Variants in TTC28 observed in about 807,000 individuals in gnomAD.
TTC28 encodes tetratricopeptide repeat domain 28, also known as tetratricopeptide repeat protein 28.
Under a neutral mutation model 198.0 loss-of-function variants are expected in TTC28, and 61 were observed. The observed-to-expected ratio is 0.31, with a 90% CI of 0.25 to 0.38. The LOEUF is 0.38. Ranked by LOEUF, TTC28 falls within the 10% of genes least tolerant of loss-of-function variation. The probability of loss-of-function intolerance (pLI) is 1.00; values close to 1 mark genes in which losing one functional copy is unlikely to be tolerated. For synonymous variants in TTC28, 1,171 were observed against 1,297.8 expected (o/e 0.90, Z 2.10); for missense variants, 2,678 against 3,164.0 (o/e 0.85, Z 3.69).
chr22:28,041,664 G>T (rs112469567), intron 12 of TTC28, among the ~76,000 whole-genome samples: 2 of 152,180 alleles, frequency 1.3e-5, no homozygotes, highest in Non-Finnish European at 2.9e-5. Context: ...ATTCAGGACA[G>T]AGGCATGGGC....
intron 5 of TTC28, 23 bp from the exon 6 acceptor site, chr22:28,163,622 G>T: frequency 6.7e-7 from 1 of 1,493,160 alleles, no homozygotes; most frequent in Non-Finnish European, 8.9e-7. Context: ...GGATAAAGTG[G>T]AGAAATGAAA....
At position 28,498,179 on chromosome 22, in the gene TTC28, G is replaced by A. The variant is rs377329090; in HGVS notation, c.381+131373C>T. Among the ~76,000 whole-genome samples the A allele has an allele frequency of 1.7e-4, 26 of 151,310 alleles. 1 individual carries two copies. The South Asian group carries it at 4.8e-3, about 28-fold the overall frequency. On this transcript the variant is annotated intron_variant, in intron 2 of 22. Coordinates refer to ENST00000397906, the MANE Select transcript of TTC28 (RefSeq NM_001145418.2). ...GCAAAAAAGGTGGGAAGTGGTGGTG[G>A]TAGCAAGAAATTGGTGGTAATTCTC...
intron 6 of TTC28, among the ~76,000 whole-genome samples, chr22:28,129,627 G>C (rs1023077249): frequency 6.6e-6 from 1 of 152,184 alleles, no homozygotes; most frequent in Non-Finnish European, 1.5e-5. Context: ...TGAATACTTA[G>C]GTAGAGTGCC....
chr22:28,279,503 T>G (rs1417610139), intron 5 of TTC28, among the ~76,000 whole-genome samples: 1 of 152,160 alleles, frequency 6.6e-6, no homozygotes, highest in African/African-American at 2.4e-5. Context: ...CCTTTGTAGC[T>G]GGGATTACAG....
intron 13 of TTC28, among the ~76,000 whole-genome samples, chr22:28,027,573 C>T (rs979975895): frequency 5.3e-5 from 8 of 152,344 alleles, no homozygotes; most frequent in Non-Finnish European, 8.8e-5. Flanking sequence ...GGAGAGCCCC[C>T]GGAGAGGGAA....
rs372978220 is a variant in TTC28 at position 28,163,350 on chromosome 22, G to A, written c.1183C>T (p.Arg395Trp). 10 of 1,552,026 alleles carry A rather than the reference G, an allele frequency of 6.4e-6. No individual in the cohort carries two copies. The highest frequency in any genetic ancestry group is 7.0e-6 in the Non-Finnish European group (8 of 1,147,082). ...GCACTGCCCAGGTTGCTATAAGCCC[G>A]GGCCTCTTCTCGCTTGTTCCCCAGG... ...KDLGNKREEA[R>W]AYSNLGSAYH... Residue 395 changes from arginine to tryptophan, a missense_variant, in exon 6 of 23, where the codon CGG becomes TGG. By Grantham distance (101) the Arg-to-Trp change is moderately radical. This residue lies in a region of TTC28 where 775 missense variants were observed against 845.9 expected (regional missense o/e 0.92). Transcript: ENST00000397906.
chr22:28,511,221 C>T (rs929901297), intron 2 of TTC28, among the ~76,000 whole-genome samples: 4 of 152,070 alleles, frequency 2.6e-5, no homozygotes, highest in Admixed American at 1.3e-4. Context: ...ACAAAAAGAA[C>T]AAAGCTGGAA....
Position 28,005,088 on chromosome 22 carries a change from G to T in TTC28, c.4219-3535C>A, listed in dbSNP as rs1937881625. Among the ~76,000 whole-genome samples, 1 of 152,216 alleles carries T rather than the reference G, an allele frequency of 6.6e-6. No homozygotes were observed. The highest frequency in any genetic ancestry group is 1.5e-5 in the Non-Finnish European group (1 of 68,036). On this transcript the variant is annotated intron_variant, in intron 14 of 22. Coordinates refer to ENST00000397906, the MANE Select transcript of TTC28 (RefSeq NM_001145418.2). This position sits in a 1 kb window ranked among gnomAD's most constrained non-coding sequence, Gnocchi z 4.9. ...GTTTCTAGTAATGGGATTTCTGAAA[G>T]CAGAAGATGACAGGGCCAGGTGCAC...
chr22:28,094,779 T>A (rs1941922870), intron 11 of TTC28, among the ~76,000 whole-genome samples: 1 of 152,154 alleles, frequency 6.6e-6, no homozygotes, highest in African/African-American at 2.4e-5. Context: ...TGGTCATTAA[T>A]GAATTAAAGG....
At chr22:28,344,259 C>T (rs1360469597) in intron 2 of TTC28, among the ~76,000 whole-genome samples, 1 of 151,788 alleles carries the variant, frequency 6.6e-6, no homozygotes, top group Non-Finnish European at 1.5e-5. Context: ...TTCTCTGAAG[C>T]AACATTACCA....
intron 2 of TTC28, among the ~76,000 whole-genome samples, chr22:28,614,375 T>A (rs2050867799): frequency 6.6e-6 from 1 of 152,216 alleles, no homozygotes; most frequent in East Asian, 1.9e-4. Context: ...CTGCCCAAAG[T>A]AATTTATAGA....
chr22:28,487,902 C>T (rs900596091), intron 2 of TTC28, among the ~76,000 whole-genome samples: 4 of 152,162 alleles, frequency 2.6e-5, no homozygotes, highest in African/African-American at 9.6e-5. Context: ...ACCATGTAAC[C>T]GAGTATCTTA....
intron 2 of TTC28, among the ~76,000 whole-genome samples, chr22:28,527,945 C>T (rs2013784): frequency 0.85 from 129,809 of 152,210 alleles, 55,587 homozygotes; most frequent in Middle Eastern, 0.94. Flanking sequence ...AGGCATCATA[C>T]AGCAAGACAG....
At chr22:28,253,130 A>G (rs2147278395) in intron 5 of TTC28, among the ~76,000 whole-genome samples, 1 of 152,352 alleles carries the variant, frequency 6.6e-6, no homozygotes, top group Admixed American at 6.5e-5. Context: ...CACTTCTGGG[A>G]CATTTTCTAA....
chr22:28,281,895 T>C (rs1005786892), intron 5 of TTC28, among the ~76,000 whole-genome samples: 1 of 152,168 alleles, frequency 6.6e-6, no homozygotes, highest in Non-Finnish European at 1.5e-5. Flanking sequence ...TACATAGAAT[T>C]TGGGGCTCCC....
chr22:28,519,625 A>G (rs996033502), intron 2 of TTC28, among the ~76,000 whole-genome samples: 1 of 152,204 alleles, frequency 6.6e-6, no homozygotes, highest in African/African-American at 2.4e-5. Flanking sequence ...GTAACTGTGC[A>G]TGCCTGAGGA....
intron 5 of TTC28, among the ~76,000 whole-genome samples, chr22:28,227,387 A>T (rs559199775): frequency 8.5e-5 from 13 of 152,370 alleles, no homozygotes; most frequent in African/African-American, 2.9e-4. Context: ...AAAATCAATC[A>T]GCTGAACTTT....
rs78723393 is a variant in TTC28 at position 28,639,404 on chromosome 22, G to A, written c.103-9574C>T. ...TCACCAAGCTATTCTTACGCCTAGA[G>A]AGTAGGATCTTTTTCAAATTCACAC... On this transcript the variant is annotated intron_variant, in intron 1 of 22. Coordinates refer to ENST00000397906, the MANE Select transcript of TTC28 (RefSeq NM_001145418.2). Among the ~76,000 whole-genome samples, 1,071 of 152,292 alleles carry A rather than the reference G, an allele frequency of 7.0e-3. 27 individuals are homozygous for A. The highest frequency in any genetic ancestry group is 0.069 in the East Asian group (359 of 5,176).
rs79764170 is a variant in TTC28, at chr22:28,526,054, G to A, written c.381+103498C>T. 2.9e-3 allele frequency among the ~76,000 whole-genome samples: 440 copies of A among 152,292 alleles called. 4 individuals are homozygous for A. Among genetic ancestry groups the A allele is most frequent in the African/African-American group, 0.01 (420 of 41,546 alleles). On this transcript the variant is annotated intron_variant, in intron 2 of 22. Coordinates refer to ENST00000397906, the MANE Select transcript of TTC28 (RefSeq NM_001145418.2). ...TTATAGTAATGCTATCAACAAAGTT[G>A]TGCTTAGTACCATGTCTGTAAGTAC...
Sources: allele counts gnomAD v4.1 joint callset (sites outside exome capture counted in the v4.1 genomes callset), GRCh38; gene constraint gnomAD v4.1.1; regional missense constraint gnomAD v4.1.1; non-coding constraint Gnocchi (gnomAD v3.1); transcripts MANE v1.5; gene names NCBI Gene and HGNC (gene_info 2026-07-23, HGNC 2026-07-21).